SHROOM4: variants seen among roughly 807,000 people sequenced by gnomAD.
SHROOM4 encodes protein Shroom4.
Under a neutral mutation model 80.3 loss-of-function variants are expected in SHROOM4, and 17 were observed. The ratio of observed to expected loss-of-function variants is 0.21; its 90% CI spans 0.14 to 0.32. SHROOM4 has a LOEUF of 0.32. Ranked by LOEUF, SHROOM4 falls within the 10% of genes least tolerant of loss-of-function variation. SHROOM4 has a pLI of 1.00. For missense variants in SHROOM4, 993 were observed against 1,140.3 expected (o/e 0.87, Z 1.86); for synonymous variants, 400 against 437.5 (o/e 0.91, Z 1.07).
intron 1 of SHROOM4, among the ~76,000 whole-genome samples, chrX:50,778,319 A>G (rs1935552688): frequency 8.9e-6 from 1 of 112,401 alleles, no homozygotes; most frequent in Non-Finnish European, 1.9e-5. Flanking sequence ...AAAGCACTGC[A>G]TTACGTAGTA....
intron 1 of SHROOM4, among the ~76,000 whole-genome samples, chrX:50,708,069 T>C (rs1263697409): frequency 9.0e-6 from 1 of 111,681 alleles, no homozygotes; most frequent in Non-Finnish European, 1.9e-5. Flanking sequence ...CCTCCTCTCT[T>C]TTAGGAACCC....
intron 1 of SHROOM4, among the ~76,000 whole-genome samples, chrX:50,775,905 T>C (rs1353759622): frequency 8.9e-6 from 1 of 112,435 alleles, no homozygotes; most frequent in East Asian, 2.8e-4. Flanking sequence ...AGCCAAATAC[T>C]GGCATCATTT....
intron 2 of SHROOM4, among the ~76,000 whole-genome samples, chrX:50,663,617 C>A (rs1308763681): frequency 9.0e-6 from 1 of 110,539 alleles, no homozygotes; most frequent in Non-Finnish European, 1.9e-5. Context: ...CTCACTGATC[C>A]CCTATATAAA....
chrX:50,728,316 A>G (rs113479444), intron 1 of SHROOM4, among the ~76,000 whole-genome samples: 13,571 of 110,180 alleles, frequency 0.12, 1,706 homozygotes, highest in African/African-American at 0.38. Context: ...CCGAGATTGC[A>G]CCACTGCACT....
chrX:50,638,233 G>A lies in SHROOM4; in HGVS notation c.345C>T (p.Thr115=). The change falls in exon 3 of 9, where the codon ACC becomes ACT. Residue 115 remains threonine (T), a synonymous_variant. Transcript: ENST00000376020. ...AGGCTTCAGAAGGGAAATGCATGGT[G>A]GTGGCTGCTTCAGGGCATCCCTCCA... ...KLLEGCPEAA[T]TMHFPSEAFS... 3 of 1,210,590 alleles carry A rather than the reference G, an allele frequency of 2.5e-6. No individual in the cohort carries two copies. The highest frequency in any genetic ancestry group is 3.4e-6 in the Non-Finnish European group (3 of 894,881).
chrX:50,670,125 TA>T (rs1162755538), intron 2 of SHROOM4, among the ~76,000 whole-genome samples: 2 of 111,010 alleles, frequency 1.8e-5, no homozygotes, highest in East Asian at 5.7e-4. Context: ...TTATTATTAT[TA>T]TACTTTAAGT....
In SHROOM4 at chrX:50,699,154, A is replaced by T. The variant is rs181848753; in HGVS notation, c.118-3217T>A. ...GTATAAACACACATCACAAAGCTCAATGTAAACGATGGTTAACTTATGTGT... is the reference window on the plus strand; with the variant it reads ...GTATAAACACACATCACAAAGCTCATTGTAAACGATGGTTAACTTATGTGT... On this transcript the variant is annotated intron_variant, in intron 1 of 8. Transcript: ENST00000376020. Among the ~76,000 whole-genome samples the T allele has an allele frequency of 2.9e-3, 326 of 112,471 alleles. 3 individuals carry two copies. Among genetic ancestry groups the T allele is most frequent in the African/African-American group, 9.9e-3 (306 of 30,962 alleles).
Position 50,596,691 on chromosome X carries a change from A to G in SHROOM4, c.*4T>C. ...AGGGATGCTGTGGCAGAGTGCTGGT[A>G]GAATTAGAAATTGCTGGGCCCCAGG... On this transcript the variant is annotated 3_prime_UTR_variant, in exon 9 of 9. Coordinates refer to ENST00000376020, the MANE Select transcript of SHROOM4 (RefSeq NM_020717.5). 1 of 1,209,485 alleles carries G rather than the reference A, an allele frequency of 8.3e-7. No individual in the cohort carries two copies. Among genetic ancestry groups the G allele is most frequent in the Non-Finnish European group, 1.1e-6 (1 of 895,541 alleles).
chrX:50,579,014 A>T, the SHROOM4 span, among the ~76,000 whole-genome samples: 8 of 111,978 alleles, frequency 7.1e-5, no homozygotes, highest in Admixed American at 9.5e-5. Flanking sequence ...ATTTTTAAAC[A>T]TTATCAAAGT....
In SHROOM4 at chrX:50,626,437, C is replaced by T. The variant is rs184264705; in HGVS notation, c.2957+1177G>A. On this transcript the variant is annotated intron_variant, in intron 5 of 8. Coordinates refer to ENST00000376020, the MANE Select transcript of SHROOM4 (RefSeq NM_020717.5). ...GCTTAATTCCTAGCTTATCCCTTTACTAGCTGTGAGACCTTGAGTAGATTC... is the reference window on the plus strand; with the variant it reads ...GCTTAATTCCTAGCTTATCCCTTTATTAGCTGTGAGACCTTGAGTAGATTC... Among the ~76,000 whole-genome samples the T allele has an allele frequency of 3.6e-5, 4 of 112,084 alleles. No homozygotes were observed. The East Asian group carries it at 8.5e-4, about 24-fold the overall frequency.
intron 5 of SHROOM4, among the ~76,000 whole-genome samples, chrX:50,620,127 C>A (rs1231870850): frequency 2.7e-5 from 3 of 111,440 alleles, no homozygotes; most frequent in African/African-American, 9.8e-5. Flanking sequence ...ACGTGGGCCA[C>A]CTCTTATTCA....
rs189532706 is a variant in SHROOM4, at chrX:50,671,900, T to C, written c.269+23886A>G. 4.4e-5 allele frequency among the ~76,000 whole-genome samples: 5 copies of C among 112,865 alleles called. No individual in the cohort carries two copies. The East Asian group carries it at 1.4e-3, about 31-fold the overall frequency. On this transcript the variant is annotated intron_variant, in intron 2 of 8. Transcript: ENST00000376020. ...TTTTCACATGCCTTCCTCACTAAGC[T>C]TAAGCATTTCTAACTTTTTATTTAA... is the stretch of plus-strand genomic sequence containing the variant.
chrX:50,662,626 T>A (rs1469477904), intron 2 of SHROOM4, among the ~76,000 whole-genome samples: 1 of 112,437 alleles, frequency 8.9e-6, no homozygotes, highest in Non-Finnish European at 1.9e-5. Context: ...AAAGGGCTTA[T>A]GTATATCAGC....
chrX:50,753,306 CT>C (rs1282937955), intron 1 of SHROOM4, among the ~76,000 whole-genome samples: 2 of 112,128 alleles, frequency 1.8e-5, no homozygotes, highest in Non-Finnish European at 3.8e-5. Flanking sequence ...GGAGGAGACT[CT>C]GAAGGAGCTT....
chrX:50,624,613 CTTT>C (rs36097095), intron 5 of SHROOM4, among the ~76,000 whole-genome samples: 1 of 92,421 alleles, frequency 1.1e-5, no homozygotes, highest in Non-Finnish European at 2.1e-5. Flanking sequence ...ATCTTTTTAT[CTTT>C]TTTTTTTTTT....
chrX:50,774,130 T>C (rs1557269913), intron 1 of SHROOM4, among the ~76,000 whole-genome samples: 1 of 111,483 alleles, frequency 9.0e-6, no homozygotes, highest in African/African-American at 3.3e-5. Flanking sequence ...CACATGAACA[T>C]CACTTGTCCC....
chrX:50,598,616 G>A, intron 7 of SHROOM4, 81 bp from the exon 8 acceptor site: 1 of 1,075,112 alleles, frequency 9.3e-7, no homozygotes, highest in Non-Finnish European at 1.3e-6. Context: ...CCTCTGTTTT[G>A]GAATCCAAGG....
chrX:50,787,518 C>T (rs1167233438), intron 1 of SHROOM4, among the ~76,000 whole-genome samples: 2 of 111,041 alleles, frequency 1.8e-5, no homozygotes, highest in Non-Finnish European at 3.8e-5. Flanking sequence ...TTGCAAAATA[C>T]TTTGCAAATC....
intron 1 of SHROOM4, among the ~76,000 whole-genome samples, chrX:50,703,590 G>T (rs781831885): frequency 3.6e-5 from 4 of 111,491 alleles, no homozygotes; most frequent in Non-Finnish European, 7.5e-5. Context: ...TATGGGGGCA[G>T]TTTCCCCAAT....
Sources: allele counts gnomAD v4.1 joint callset (sites outside exome capture counted in the v4.1 genomes callset), GRCh38; gene constraint gnomAD v4.1.1; transcripts MANE v1.5; gene names NCBI Gene and HGNC (gene_info 2026-07-23, HGNC 2026-07-21).